The following TMED3 variants were observed in gnomAD, a reference collection of about 807,000 sequenced individuals.
TMED3 encodes transmembrane p24 trafficking protein 3, also known as transmembrane emp24 domain-containing protein 3.
Under a neutral mutation model 15.0 loss-of-function variants are expected in TMED3, and 9 were observed. That is an observed-to-expected ratio of 0.60 (90% CI 0.36 to 1.04). The LOEUF (loss-of-function observed/expected upper bound fraction) is 1.04, where lower values mean the gene tolerates loss of function less well. TMED3 is among the 50% of genes least tolerant of loss of function. TMED3 has a pLI of 0.01. For synonymous variants in TMED3, 117 were observed against 121.4 expected (o/e 0.96, Z 0.24); for missense variants, 267 against 278.9 (o/e 0.96, Z 0.30).
intron 2 of TMED3, among the ~76,000 whole-genome samples, chr15:79,319,775 T>C (rs1038858679): frequency 1.3e-5 from 2 of 152,210 alleles, no homozygotes; most frequent in African/African-American, 4.8e-5. Context: ...GGCCCTTCCC[T>C]GCCTGGCAGC....
At chr15:79,348,124 A>G (rs7163967) in intron 2 of TMED3, among the ~76,000 whole-genome samples, 14,237 of 152,186 alleles carry the variant, frequency 0.094, 708 homozygotes, top group Admixed American at 0.12. Flanking sequence ...TATTTTCAAT[A>G]AGTTACATGC....
intron 2 of TMED3, among the ~76,000 whole-genome samples, chr15:79,380,812 A>G (rs1240981990): frequency 6.6e-6 from 1 of 152,090 alleles, no homozygotes; most frequent in African/African-American, 2.4e-5. Flanking sequence ...TATCTCCCAG[A>G]CCTGCAGACA....
chr15:79,401,676 G>A (rs1485878980), intron 2 of TMED3, among the ~76,000 whole-genome samples: 3 of 152,216 alleles, frequency 2.0e-5, no homozygotes, highest in African/African-American at 7.2e-5. Context: ...GTGACATGGG[G>A]TAGTGCGAAA....
chr15:79,394,146 G>T (rs552058425), intron 2 of TMED3, among the ~76,000 whole-genome samples: 2 of 152,160 alleles, frequency 1.3e-5, no homozygotes, highest in Non-Finnish European at 2.9e-5. Flanking sequence ...TGGGGAGTAG[G>T]GGGGTGGGTG....
At chr15:79,361,386 A>G (rs1390046674) in intron 2 of TMED3, among the ~76,000 whole-genome samples, 1 of 152,234 alleles carries the variant, frequency 6.6e-6, no homozygotes, top group African/African-American at 2.4e-5. Flanking sequence ...AACATTCAAT[A>G]TATACGATGG....
intron 2 of TMED3, among the ~76,000 whole-genome samples, chr15:79,353,289 A>ATATAT (rs2058903675): frequency 4.4e-5 from 1 of 22,784 alleles, no homozygotes; most frequent in African/African-American, 1.3e-4. Flanking sequence ...AATATATATT[A>ATATAT]TATGTATATT....
intron 2 of TMED3, among the ~76,000 whole-genome samples, chr15:79,397,601 G>A (rs1567039977): frequency 1.3e-5 from 2 of 152,216 alleles, no homozygotes; most frequent in African/African-American, 4.8e-5. Flanking sequence ...TACACCAGGA[G>A]TTGACTCTGG....
At chr15:79,370,127 G>T (rs541433742) in intron 2 of TMED3, among the ~76,000 whole-genome samples, 1 of 152,150 alleles carries the variant, frequency 6.6e-6, no homozygotes, top group Non-Finnish European at 1.5e-5. Context: ...GTCTCACTCT[G>T]TTGCCCAGGC....
At chr15:79,388,407 G>A (rs9920077) in intron 2 of TMED3, among the ~76,000 whole-genome samples, 87,690 of 151,456 alleles carry the variant, frequency 0.58, 26,518 homozygotes, top group Middle Eastern at 0.78. Context: ...TTAATCTGTT[G>A]ACAAGGAGAA....
chr15:79,378,662 G>T (rs764509393), intron 2 of TMED3, among the ~76,000 whole-genome samples: 26 of 152,194 alleles, frequency 1.7e-4, no homozygotes, highest in Non-Finnish European at 2.8e-4. Flanking sequence ...TGAGGCATGG[G>T]AGCTCACAGG....
chr15:79,385,091 T>A (rs57342854), intron 2 of TMED3, among the ~76,000 whole-genome samples: 5,069 of 152,172 alleles, frequency 0.033, 271 homozygotes, highest in African/African-American at 0.11. Flanking sequence ...GGTGAGTGAT[T>A]GTGTGACCCT....
At chr15:79,356,674 G>A (rs2058920464) in intron 2 of TMED3, among the ~76,000 whole-genome samples, 1 of 152,192 alleles carries the variant, frequency 6.6e-6, no homozygotes, top group Non-Finnish European at 1.5e-5. Context: ...GGAGGTCTAC[G>A]CAAGGGGGTC....
chr15:79,352,174 T>C (rs747501927), intron 2 of TMED3, among the ~76,000 whole-genome samples: 2 of 152,016 alleles, frequency 1.3e-5, no homozygotes, highest in Non-Finnish European at 2.9e-5. Context: ...CTAAAGAACT[T>C]ATTCATGTAA....
intron 2 of TMED3, among the ~76,000 whole-genome samples, chr15:79,394,304 A>C (rs116700585): frequency 1.6e-4 from 24 of 152,320 alleles, no homozygotes; most frequent in African/African-American, 5.3e-4. Flanking sequence ...GCCGATCTTT[A>C]TAGAATGTTA....
intron 2 of TMED3, among the ~76,000 whole-genome samples, chr15:79,387,343 T>C (rs1893639023): frequency 6.6e-6 from 1 of 152,214 alleles, no homozygotes; most frequent in Non-Finnish European, 1.5e-5. Context: ...ATATTTGTCA[T>C]GAATCAAATA....
At chr15:79,314,415 TG>T in intron 2 of TMED3, 2 of 395,186 alleles carry the variant, frequency 5.1e-6, no homozygotes, top group South Asian at 3.7e-5. Flanking sequence ...CAAACATCAA[TG>T]GCTTAACAGA....
intron 2 of TMED3, among the ~76,000 whole-genome samples, chr15:79,342,297 A>G (rs1454393023): frequency 2.6e-5 from 4 of 152,210 alleles, no homozygotes; most frequent in South Asian, 2.1e-4. Flanking sequence ...AAGATGTTGT[A>G]TACAAGAAAC....
intron 2 of TMED3, among the ~76,000 whole-genome samples, chr15:79,400,029 C>T (rs962355068): frequency 1.3e-5 from 2 of 152,186 alleles, no homozygotes; most frequent in African/African-American, 4.8e-5. Context: ...TTCTATTGTA[C>T]CGGGGATAAA....
chr15:79,328,974 A>AGCAG (rs1289107550), intron 2 of TMED3, among the ~76,000 whole-genome samples: 31 of 152,208 alleles, frequency 2.0e-4, no homozygotes, highest in African/African-American at 6.8e-4. Context: ...ATGGGACAAT[A>AGCAG]GCAGGTAGAT....
Sources: allele counts gnomAD v4.1 joint callset (sites outside exome capture counted in the v4.1 genomes callset), GRCh38; gene constraint gnomAD v4.1.1; transcripts MANE v1.5; gene names NCBI Gene and HGNC (gene_info 2026-07-23, HGNC 2026-07-21).